TRIM25: variants seen among roughly 807,000 people sequenced by gnomAD.
TRIM25 encodes the protein E3 ubiquitin/ISG15 ligase TRIM25.
In TRIM25, 45 loss-of-function variants were observed where a neutral mutation model predicts 65.2. The ratio of observed to expected loss-of-function variants is 0.69; its 90% CI spans 0.54 to 0.89. TRIM25 has a LOEUF of 0.89. TRIM25 is among the 40% of genes least tolerant of loss of function. The pLI, the probability that TRIM25 is intolerant of heterozygous loss-of-function variation, is 0.00. For synonymous variants in TRIM25, 321 were observed against 340.4 expected, an observed-to-expected ratio of 0.94 and a Z score of 0.63; for missense variants, 714 against 803.7, an observed-to-expected ratio of 0.89 and a Z score of 1.35.
At chr17:56,901,672 C>A in intron 3 of TRIM25, 94 bp from the exon 4 acceptor site, 1 of 1,509,654 alleles carries the variant, frequency 6.6e-7, no homozygotes, top group Non-Finnish European at 9.0e-7. Flanking sequence ...CCCCTATGCC[C>A]AAGAGTGCTA....
chr17:56,894,927 G>A (rs1308733716), intron 8 of TRIM25, among the ~76,000 whole-genome samples: 1 of 152,230 alleles, frequency 6.6e-6, no homozygotes, highest in Non-Finnish European at 1.5e-5. Flanking sequence ...GAAGGATGGA[G>A]CTATGGCCAG....
rs73311821 is a variant in TRIM25 at position 56,906,245 on chromosome 17, G to A, written c.694-1757C>T. ...GGTTTGACCTCCTTCTTCCTGTCCC[G>A]CTCTCCTGCCTTCCATCCTTCCGCT... On this transcript the variant is annotated intron_variant, in intron 2 of 8. Coordinates refer to ENST00000316881, the MANE Select transcript of TRIM25 (RefSeq NM_005082.5). 5.7e-3 allele frequency among the ~76,000 whole-genome samples: 867 copies of A among 152,264 alleles called. 9 individuals carry two copies. The highest frequency in any genetic ancestry group is 0.02 in the African/African-American group (833 of 41,540).
rs1598069932 is a variant in TRIM25 at position 56,892,347 on chromosome 17, A to G, written c.1364-118T>C. 8 of 1,139,246 alleles carry G rather than the reference A, an allele frequency of 7.0e-6. No homozygotes were observed. The East Asian group carries it at 1.2e-4, about 17-fold the overall frequency. The allele number at this position is 1,139,246 out of a possible 1,614,324, so 70.6% of individuals were successfully genotyped here. A position where few individuals can be genotyped will look rare whatever the true frequency, so the allele number is the denominator to read the frequency against. On this transcript the variant is annotated intron_variant, in intron 8 of 8. Coordinates refer to ENST00000316881, the MANE Select transcript of TRIM25 (RefSeq NM_005082.5). ...TATCCATCCATGCACCCATCTACCC[A>G]TTGGTCCATCCATCCACTCATCTAT...
In TRIM25 at chr17:56,913,240, C is replaced by T; in HGVS notation, c.597+152G>A. ...GGGAAGGGACTATATAATCTCCCAT[C>T]CCCTTTCTACTCTGACATTGGAGAT... On this transcript the variant is annotated intron_variant, in intron 1 of 8. Coordinates refer to ENST00000316881, the MANE Select transcript of TRIM25 (RefSeq NM_005082.5). The surrounding 1 kb of genome is among the most constrained non-coding windows in gnomAD (Gnocchi z 6.1). 4.9e-6 allele frequency: 3 copies of T among 611,988 alleles called. No homozygotes were observed. Among genetic ancestry groups the T allele is most frequent in the Non-Finnish European group, 8.1e-6 (3 of 370,654 alleles). The allele number at this position is 611,988 out of a possible 1,614,324, so 37.9% of individuals were successfully genotyped here.
At chr17:56,899,562 T>C (rs945349195) in intron 4 of TRIM25, among the ~76,000 whole-genome samples, 2 of 152,156 alleles carry the variant, frequency 1.3e-5, no homozygotes, top group African/African-American at 4.8e-5. Context: ...CACTTGTTCC[T>C]TTCCCACTAT....
At position 56,895,435 on chromosome 17, in the gene TRIM25, G is replaced by C. The variant is rs140644622; in HGVS notation, c.1271C>G (p.Ala424Gly). Reference protein sequence around the residue: ...DLKQAGLEAAAKATSSHPNST... With the variant: ...DLKQAGLEAAGKATSSHPNST... ...GTTCGGATGTGAGCTGGTGGCTTTG[G>C]CTGCAGCTGGGAGAGGAAACAGAGA... Residue 424 changes from alanine to glycine, a missense_variant, in exon 8 of 9, where the codon GCC becomes GGC. Around this residue, in one of 3 missense-constraint regions of TRIM25, gnomAD observed 413 missense variants for 498.2 expected, o/e 0.83. Coordinates refer to ENST00000316881, the MANE Select transcript of TRIM25 (RefSeq NM_005082.5). 2 of 1,614,016 alleles carry C rather than the reference G, an allele frequency of 1.2e-6. No homozygotes were observed. Among genetic ancestry groups the C allele is most frequent in the Non-Finnish European group, 8.5e-7 (1 of 1,179,938 alleles).
chr17:56,904,144 G>A (rs936474553), intron 3 of TRIM25, 111 bp downstream of exon 3: 2 of 866,688 alleles, frequency 2.3e-6, no homozygotes, highest in Non-Finnish European at 3.6e-6. Flanking sequence ...TCTCAGGGAT[G>A]CTTCCAGTGA....
Position 56,913,201 on chromosome 17 carries a change from T to C in TRIM25, c.597+191A>G. 4.4e-6 allele frequency: 2 copies of C among 453,690 alleles called. No homozygotes were observed. Among genetic ancestry groups the C allele is most frequent in the Non-Finnish European group, 7.6e-6 (2 of 262,452 alleles). The allele number at this position is 453,690 out of a possible 1,614,324, so 28.1% of individuals were successfully genotyped here. ...GGATTATGGCAAGCAACCTAACCTG[T>C]CTTCATGGATGATGGGAAGGGACTA... On this transcript the variant is annotated intron_variant, in intron 1 of 8. Transcript: ENST00000316881. This position sits in a 1 kb window ranked among gnomAD's most constrained non-coding sequence, Gnocchi z 6.1.
Position 56,890,563 on chromosome 17 carries a change from T to C in TRIM25, c.*1137A>G, listed in dbSNP as rs1454689106. ...GAGGTTTGCTAAAAGACCCCTTTGG[T>C]GGTAGGTTGACACCCCAGCAAGTGG... On this transcript the variant is annotated 3_prime_UTR_variant, in exon 9 of 9. Coordinates refer to ENST00000316881, the MANE Select transcript of TRIM25 (RefSeq NM_005082.5). 6 of 454,866 alleles carry C rather than the reference T, an allele frequency of 1.3e-5. No individual in the cohort carries two copies. Among genetic ancestry groups the C allele is most frequent in the Non-Finnish European group, 2.6e-5 (6 of 226,782 alleles). The allele number at this position is 454,866 out of a possible 1,614,324, so 28.2% of individuals were successfully genotyped here. A position where few individuals can be genotyped will look rare whatever the true frequency, so the allele number is the denominator to read the frequency against.
chr17:56,913,323 C>T lies in TRIM25; in HGVS notation c.597+69G>A. 2.1e-6 allele frequency: 3 copies of T among 1,413,772 alleles called. No homozygotes were observed. Among genetic ancestry groups the T allele is most frequent in the Non-Finnish European group, 2.8e-6 (3 of 1,056,874 alleles). The allele number at this position is 1,413,772 out of a possible 1,614,324, so 87.6% of individuals were successfully genotyped here. A position where few individuals can be genotyped will look rare whatever the true frequency, so the allele number is the denominator to read the frequency against. ...GGGCGTCCAGAGTGTGGCAGAGAGG[C>T]CCCCGGTGGCCCCTCTGCACCACCC... On this transcript the variant is annotated intron_variant, in intron 1 of 8. Transcript: ENST00000316881. The surrounding 1 kb of genome is among the most constrained non-coding windows in gnomAD (Gnocchi z 6.1).
At chr17:56,908,638 C>G in intron 1 of TRIM25, 75 bp from the exon 2 acceptor site, 1 of 1,427,462 alleles carries the variant, frequency 7.0e-7, no homozygotes, top group Non-Finnish European at 9.8e-7. Context: ...CTGGAACTAT[C>G]CCACAGGATA....
intron 5 of TRIM25, among the ~76,000 whole-genome samples, chr17:56,897,863 G>A (rs998278713): frequency 1.1e-4 from 17 of 152,104 alleles, no homozygotes; most frequent in South Asian, 4.1e-4. Context: ...AGTACCCTTC[G>A]AGGTTTTCCG....
In TRIM25 at chr17:56,888,469, C is replaced by T. The variant is rs1909101688; in HGVS notation, c.*3231G>A. ...GATAAAATCCACTGAACATGGAGGGCCCATTGCTGGCCTGAACTATTTTTG... is the reference window on the plus strand; with the variant it reads ...GATAAAATCCACTGAACATGGAGGGTCCATTGCTGGCCTGAACTATTTTTG... On this transcript the variant is annotated 3_prime_UTR_variant, in exon 9 of 9. Transcript: ENST00000316881. The T allele has an allele frequency of 6.6e-6, 1 of 151,500 alleles. No individual in the cohort carries two copies. The highest frequency in any genetic ancestry group is 1.5e-5 in the Non-Finnish European group (1 of 67,944). 9.4% of individuals were successfully genotyped at this position (151,500 alleles called of 1,614,324 possible).
intron 1 of TRIM25, among the ~76,000 whole-genome samples, chr17:56,909,836 T>A (rs763769645): frequency 3.2e-4 from 49 of 152,160 alleles, no homozygotes; most frequent in Non-Finnish European, 6.3e-4. Flanking sequence ...ATAATCAATA[T>A]CTGAGTCTCC....
Position 56,892,198 on chromosome 17 carries a change from G to T in TRIM25, c.1395C>A (p.Thr465=). 1 of 1,606,510 alleles carries T rather than the reference G, an allele frequency of 6.2e-7. No individual in the cohort carries two copies. The highest frequency in any genetic ancestry group is 8.5e-7 in the Non-Finnish European group (1 of 1,174,322). ...CTGACAGAGCCACTTTGTTGTGGGC[G>T]GTGTTGTAGTCCAGGATGACTTTAA... ...YYIKVILDYN[T]AHNKVALSEC... Residue 465 remains threonine, a synonymous_variant, in exon 9 of 9, where the codon ACC becomes ACA. Coordinates refer to ENST00000316881, the MANE Select transcript of TRIM25 (RefSeq NM_005082.5).
At chr17:56,899,267 A>G in intron 4 of TRIM25, 87 bp from the exon 5 acceptor site, 2 of 1,393,484 alleles carry the variant, frequency 1.4e-6, no homozygotes, top group Middle Eastern at 1.8e-4. Flanking sequence ...GGGCAGGCAG[A>G]GGGTTTACAC....
chr17:56,909,919 G>A (rs78209908), intron 1 of TRIM25, among the ~76,000 whole-genome samples: 5,222 of 152,256 alleles, frequency 0.034, 308 homozygotes, highest in African/African-American at 0.12. Context: ...GCAGCAGCCA[G>A]TATTTATTAT....
rs541659977 is a variant in TRIM25 at position 56,914,029 on chromosome 17, T to C, written c.-41A>G. 1.5e-6 allele frequency: 2 copies of C among 1,296,258 alleles called. No individual in the cohort carries two copies. The highest frequency in any genetic ancestry group is 1.0e-6 in the Non-Finnish European group (1 of 1,001,508). 80.3% of individuals were successfully genotyped at this position (1,296,258 alleles called of 1,614,324 possible). ...CGGGACACAACTGCTGCACCCGCGC[T>C]CCGAGGCCGCCGAGGAAACGAAACC... On this transcript the variant is annotated 5_prime_UTR_variant, in exon 1 of 9. Coordinates refer to ENST00000316881, the MANE Select transcript of TRIM25 (RefSeq NM_005082.5).
chr17:56,903,564 G>A (rs571900713), intron 3 of TRIM25, among the ~76,000 whole-genome samples: 9 of 152,230 alleles, frequency 5.9e-5, no homozygotes, highest in South Asian at 4.1e-4. Context: ...TCAAGCCCCC[G>A]ACCCCGACTG....
Sources: allele counts gnomAD v4.1 joint callset (sites outside exome capture counted in the v4.1 genomes callset), GRCh38; gene constraint gnomAD v4.1.1; regional missense constraint gnomAD v4.1.1; non-coding constraint Gnocchi (gnomAD v3.1); transcripts MANE v1.5; gene names NCBI Gene and HGNC (gene_info 2026-07-23, HGNC 2026-07-21).